NRXN1: variants seen among roughly 807,000 people sequenced by gnomAD.
NRXN1 encodes neurexin-1.
Under a neutral mutation model 150.9 loss-of-function variants are expected in NRXN1, and 39 were observed. That is an observed-to-expected ratio of 0.26 (90% CI 0.20 to 0.34). The LOEUF (loss-of-function observed/expected upper bound fraction) is 0.34. Among genes scored for constraint, NRXN1 ranks in the 10% least tolerant of loss-of-function variants. The pLI is 1.00. For missense variants in NRXN1, 1,815 were observed against 1,949.9 expected (o/e 0.93, Z 1.30); for synonymous variants, 924 against 757.0 (o/e 1.22, Z -3.62).
At chr2:50,397,868 A>G (rs2082145435) in intron 17 of NRXN1, among the ~76,000 whole-genome samples, 1 of 152,174 alleles carries the variant, frequency 6.6e-6, no homozygotes, top group South Asian at 2.1e-4. Flanking sequence ...TTATTTAAAA[A>G]GTCACATTCT....
chr2:50,317,586 C>G (rs2075714416), intron 17 of NRXN1, among the ~76,000 whole-genome samples: 1 of 151,578 alleles, frequency 6.6e-6, no homozygotes, highest in Non-Finnish European at 1.5e-5. Flanking sequence ...AAAGAATGTA[C>G]TAACAAAAGA....
intron 21 of NRXN1, among the ~76,000 whole-genome samples, chr2:50,052,806 CA>C (rs5831075): frequency 0.6 from 91,498 of 151,804 alleles, 27,920 homozygotes; most frequent in Middle Eastern, 0.67. Context: ...GGCTGGCTAT[CA>C]ATTCAAAACT....
intron 17 of NRXN1, among the ~76,000 whole-genome samples, chr2:50,309,881 A>C (rs956397550): frequency 1.3e-5 from 2 of 152,216 alleles, no homozygotes; most frequent in African/African-American, 4.8e-5. Flanking sequence ...TTCTTCTTCC[A>C]AAGAGGTTCC....
At chr2:50,453,486 C>T (rs950596999) in intron 17 of NRXN1, among the ~76,000 whole-genome samples, 1 of 152,140 alleles carries the variant, frequency 6.6e-6, no homozygotes, top group African/African-American at 2.4e-5. Context: ...ACTCCTCCAA[C>T]AACCAATTTG....
chr2:50,986,057 AG>A (rs1015161277), intron 2 of NRXN1, among the ~76,000 whole-genome samples: 11 of 151,724 alleles, frequency 7.3e-5, no homozygotes, highest in African/African-American at 2.2e-4. Context: ...CTGTATTAAT[AG>A]AGTTAATAAA....
At chr2:50,610,523 TG>T (rs1232688295) in intron 8 of NRXN1, among the ~76,000 whole-genome samples, 4 of 150,426 alleles carry the variant, frequency 2.7e-5, no homozygotes, top group Non-Finnish European at 4.4e-5. Context: ...TTAGGAAGCT[TG>T]TATTGTAAAT....
At chr2:51,006,511 GT>G (rs1345186123) in intron 2 of NRXN1, among the ~76,000 whole-genome samples, 1 of 151,496 alleles carries the variant, frequency 6.6e-6, no homozygotes, top group Non-Finnish European at 1.5e-5. Flanking sequence ...AAACCTGCAC[GT>G]TGTGCACATG....
chr2:51,015,972 A>G (rs1668606969), intron 2 of NRXN1, among the ~76,000 whole-genome samples: 1 of 152,128 alleles, frequency 6.6e-6, no homozygotes, highest in Admixed American at 6.6e-5. Context: ...ACTTCAAACT[A>G]TACTACAAAG....
intron 18 of NRXN1, among the ~76,000 whole-genome samples, chr2:50,117,187 C>A (rs1703183709): frequency 6.6e-6 from 1 of 152,054 alleles, no homozygotes; most frequent in Non-Finnish European, 1.5e-5. Context: ...ACATTTTCAG[C>A]CCATATCCTT....
At chr2:50,922,160 A>C (rs748276121) in intron 4 of NRXN1, among the ~76,000 whole-genome samples, 2 of 151,888 alleles carry the variant, frequency 1.3e-5, no homozygotes, top group Non-Finnish European at 2.9e-5. Flanking sequence ...CAATAAATCT[A>C]CGTAGAGAAA....
intron 5 of NRXN1, among the ~76,000 whole-genome samples, chr2:50,624,330 G>A (rs780441158): frequency 6.6e-6 from 1 of 152,070 alleles, no homozygotes; most frequent in African/African-American, 2.4e-5. Flanking sequence ...AGAGAAAGTA[G>A]TTCTGTGATA....
intron 5 of NRXN1, among the ~76,000 whole-genome samples, chr2:50,794,350 T>C (rs17568791): frequency 0.16 from 23,961 of 152,106 alleles, 2,409 homozygotes; most frequent in Middle Eastern, 0.23. Context: ...GGACATGTTA[T>C]GGCTGTGAAA....
chr2:50,671,870 T>C (rs1205617288), intron 5 of NRXN1, among the ~76,000 whole-genome samples: 1 of 151,922 alleles, frequency 6.6e-6, no homozygotes, highest in African/African-American at 2.4e-5. Flanking sequence ...TCAGTGTTTA[T>C]GATAGGGACA....
At chr2:50,750,839 C>A (rs138905232) in intron 5 of NRXN1, among the ~76,000 whole-genome samples, 344 of 152,146 alleles carry the variant, frequency 2.3e-3, no homozygotes, top group African/African-American at 8.0e-3. Flanking sequence ...TGCAGAACGT[C>A]ATTCTTAATA....
At chr2:50,250,193 A>G (rs2152897085) in intron 17 of NRXN1, among the ~76,000 whole-genome samples, 1 of 152,276 alleles carries the variant, frequency 6.6e-6, no homozygotes, top group African/African-American at 2.4e-5. Flanking sequence ...TTAAGAATTT[A>G]TGGTAACTTG....
intron 5 of NRXN1, among the ~76,000 whole-genome samples, chr2:50,719,167 T>C (rs1279115802): frequency 6.6e-6 from 1 of 151,840 alleles, no homozygotes; most frequent in African/African-American, 2.4e-5. Flanking sequence ...CACACATGTT[T>C]GACTATCATA....
intron 18 of NRXN1, among the ~76,000 whole-genome samples, chr2:50,159,628 A>T (rs1198944133): frequency 2.6e-5 from 4 of 152,318 alleles, no homozygotes; most frequent in Non-Finnish European, 4.4e-5. Flanking sequence ...TATAATAAGC[A>T]TTGCCAAGCC....
At chr2:50,080,862 C>G (rs1029028479) in intron 19 of NRXN1, among the ~76,000 whole-genome samples, 2 of 152,096 alleles carry the variant, frequency 1.3e-5, no homozygotes, top group African/African-American at 2.4e-5. Flanking sequence ...TCATTGGAAG[C>G]ATGTTTAATT....
chr2:50,999,080 C>T (rs1699702073), intron 2 of NRXN1, among the ~76,000 whole-genome samples: 1 of 151,964 alleles, frequency 6.6e-6, no homozygotes, highest in Admixed American at 6.6e-5. Flanking sequence ...AGTGCTTTTA[C>T]CTGAAGAAGA....
Sources: gnomAD v4.1 joint callset for allele counts (sites outside exome capture counted in the v4.1 genomes callset) on GRCh38, gnomAD v4.1.1 for gene constraint, MANE v1.5 for transcripts, NCBI Gene and HGNC (gene_info 2026-07-23, HGNC 2026-07-21) for gene names.